The following SHANK2 variants were observed in gnomAD, a reference collection of about 807,000 sequenced individuals.
SHANK2 encodes SH3 and multiple ankyrin repeat domains 2.
A neutral mutation model predicts 133.7 loss-of-function variants in SHANK2; 43 were observed. The observed-to-expected ratio is 0.32, with a 90% CI of 0.25 to 0.41. The LOEUF (loss-of-function observed/expected upper bound fraction) is 0.41, where lower values mean the gene tolerates loss of function less well. Ranked by LOEUF, SHANK2 falls within the 10% of genes least tolerant of loss-of-function variation. The pLI, the probability that SHANK2 is intolerant of heterozygous loss-of-function variation, is 1.00. For missense variants in SHANK2, 1,994 were observed against 2,235.8 expected (o/e 0.89, Z 2.18); for synonymous variants, 1,017 against 952.8 (o/e 1.07, Z -1.24).
At chr11:70,742,697 C>T (rs1946554523) in intron 14 of SHANK2, among the ~76,000 whole-genome samples, 1 of 152,176 alleles carries the variant, frequency 6.6e-6, no homozygotes. Context: ...CAAAAGGAGG[C>T]GGATTCAGAG....
At chr11:70,662,111 A>T in intron 15 of SHANK2, 1 of 402,068 alleles carries the variant, frequency 2.5e-6, no homozygotes, top group Non-Finnish European at 4.6e-6. Context: ...TCCCGACCAC[A>T]CGCATCTTCC....
At chr11:70,704,015 G>A (rs1430182096) in intron 14 of SHANK2, among the ~76,000 whole-genome samples, 3 of 152,234 alleles carry the variant, frequency 2.0e-5, no homozygotes, top group African/African-American at 4.8e-5. Flanking sequence ...GGACCACAGC[G>A]GGGACAATGC....
chr11:70,546,808 G>A (rs1228656558), intron 17 of SHANK2, among the ~76,000 whole-genome samples: 1 of 152,302 alleles, frequency 6.6e-6, no homozygotes, highest in African/African-American at 2.4e-5. Flanking sequence ...TCAGGCCCTC[G>A]AGGTTCCTCC....
At position 70,500,887 on chromosome 11, in the gene SHANK2, G is replaced by C. The variant is rs1335346076; in HGVS notation, c.2288-297C>G. The C allele has an allele frequency of 2.9e-5, 19 of 646,014 alleles. No homozygotes were observed. The highest frequency in any genetic ancestry group is 5.4e-5 in the Non-Finnish European group (19 of 351,624). 40.0% of individuals were successfully genotyped at this position (646,014 alleles called of 1,614,324 possible). ...GCACCCCTTGTCCCACCAGCACCCT[G>C]CCAAAGTAGGGAGGAGTTCTCAGAG... is the stretch of plus-strand genomic sequence containing the variant. On this transcript the variant is annotated intron_variant, in intron 20 of 25. Coordinates refer to ENST00000601538, the MANE Select transcript of SHANK2 (RefSeq NM_012309.5). This position sits in a 1 kb window ranked among gnomAD's most constrained non-coding sequence, Gnocchi z 4.5.
intron 14 of SHANK2, among the ~76,000 whole-genome samples, chr11:70,778,043 A>G (rs1947403344): frequency 6.6e-6 from 1 of 152,202 alleles, no homozygotes. Context: ...TCCAGTTTGA[A>G]TTCATTCCCC....
chr11:71,138,173 C>CA (rs1952485393), intron 3 of SHANK2, among the ~76,000 whole-genome samples: 2 of 63,770 alleles, frequency 3.1e-5, no homozygotes, highest in Admixed American at 3.7e-4. Context: ...CGGGCGCACT[C>CA]ACACAGCAAA....
chr11:70,671,294 G>C (rs1486574073), intron 15 of SHANK2, among the ~76,000 whole-genome samples: 1 of 152,116 alleles, frequency 6.6e-6, no homozygotes, highest in Non-Finnish European at 1.5e-5. Context: ...AGAATGCTAG[G>C]AGGGAGAATG....
chr11:70,686,834 C>T lies in SHANK2; in HGVS notation c.1853+11854G>A, dbSNP rs75065071. On this transcript the variant is annotated intron_variant, in intron 15 of 25. Coordinates refer to ENST00000601538, the MANE Select transcript of SHANK2 (RefSeq NM_012309.5). ...GGCGGGGATCAGTGTGAGCATTTCC[C>T]GAAAACCTGCTGCTTCCCAGGCACA... Among the ~76,000 whole-genome samples, 848 of 152,324 alleles carry T rather than the reference C, an allele frequency of 5.6e-3. 8 individuals carry two copies. The highest frequency in any genetic ancestry group is 0.019 in the African/African-American group (798 of 41,570).
At chr11:71,067,915 TATCACCAGC>T (rs1951088265) in intron 9 of SHANK2, among the ~76,000 whole-genome samples, 1 of 149,330 alleles carries the variant, frequency 6.7e-6, no homozygotes, top group African/African-American at 2.5e-5. Flanking sequence ...TCATCATCAA[TATCACCAGC>T]ATCACCACCA....
chr11:70,820,251 T>C (rs2135343825), intron 12 of SHANK2, 113 bp downstream of exon 12: 1 of 572,758 alleles, frequency 1.7e-6, no homozygotes, highest in South Asian at 2.4e-5. Flanking sequence ...CCTCAACATC[T>C]GGGTTGGAAT....
intron 2 of SHANK2, among the ~76,000 whole-genome samples, chr11:71,150,710 C>T (rs1187244371): frequency 6.6e-6 from 1 of 151,986 alleles, no homozygotes; most frequent in African/African-American, 2.4e-5. Flanking sequence ...GTTTTCGGAG[C>T]ACCCTGTGTC....
chr11:70,803,853 T>C (rs1403955685), intron 13 of SHANK2, among the ~76,000 whole-genome samples: 2 of 150,866 alleles, frequency 1.3e-5, no homozygotes, highest in South Asian at 2.1e-4. Context: ...AATCGGAACA[T>C]GTACACACCT....
intron 17 of SHANK2, among the ~76,000 whole-genome samples, chr11:70,547,110 T>C (rs1403806317): frequency 3.3e-5 from 5 of 152,072 alleles, no homozygotes; most frequent in Non-Finnish European, 5.9e-5. Context: ...CTCAGGAATT[T>C]TCCACCCTCT....
At chr11:70,875,495 G>C (rs1949544748) in intron 11 of SHANK2, among the ~76,000 whole-genome samples, 1 of 151,372 alleles carries the variant, frequency 6.6e-6, no homozygotes, top group African/African-American at 2.4e-5. Flanking sequence ...CTGCACTCCA[G>C]CCTGGGAGAC....
chr11:70,716,903 C>CT (rs1211288874), intron 14 of SHANK2, among the ~76,000 whole-genome samples: 1 of 150,814 alleles, frequency 6.6e-6, no homozygotes, highest in Admixed American at 6.6e-5. Context: ...GAGCCCCCCC[C>CT]CCGCCCAACT....
chr11:70,821,685 A>G (rs560584946), intron 11 of SHANK2, among the ~76,000 whole-genome samples: 1 of 152,280 alleles, frequency 6.6e-6, no homozygotes, highest in Non-Finnish European at 1.5e-5. Flanking sequence ...AGCCACCCAA[A>G]GTACTGAGAT....
chr11:70,675,610 T>C (rs1233399587), intron 15 of SHANK2, among the ~76,000 whole-genome samples: 1 of 152,182 alleles, frequency 6.6e-6, no homozygotes, highest in African/African-American at 2.4e-5. Flanking sequence ...GGGGAGGCGT[T>C]GGTCCTAGCA....
intron 3 of SHANK2, among the ~76,000 whole-genome samples, chr11:71,122,726 G>A (rs1952103439): frequency 6.6e-6 from 1 of 152,152 alleles, no homozygotes; most frequent in African/African-American, 2.4e-5. Context: ...GCAGAGACTG[G>A]TGTGTCCCAT....
chr11:70,665,320 T>C (rs1238456622), intron 15 of SHANK2, among the ~76,000 whole-genome samples: 3 of 152,112 alleles, frequency 2.0e-5, no homozygotes, highest in Admixed American at 6.5e-5. Flanking sequence ...TTTAATTTTT[T>C]TGTAGAGACA....
Sources: allele counts gnomAD v4.1 joint callset (sites outside exome capture counted in the v4.1 genomes callset), GRCh38; gene constraint gnomAD v4.1.1; non-coding constraint Gnocchi (gnomAD v3.1); transcripts MANE v1.5; gene names NCBI Gene and HGNC (gene_info 2026-07-23, HGNC 2026-07-21).